PRKCA: variants seen among roughly 807,000 people sequenced by gnomAD.
PRKCA encodes the protein protein kinase C alpha type.
Under a neutral mutation model 87.0 loss-of-function variants are expected in PRKCA, and 27 were observed. The observed-to-expected ratio is 0.31, with a 90% CI of 0.23 to 0.43. The LOEUF (loss-of-function observed/expected upper bound fraction) is 0.43, where lower values mean the gene tolerates loss of function less well. PRKCA is among the 20% of genes least tolerant of loss of function. The pLI is 1.00. For missense variants in PRKCA, 518 were observed against 852.3 expected (o/e 0.61, Z 4.88); for synonymous variants, 329 against 311.1 (o/e 1.06, Z -0.61).
intron 3 of PRKCA, among the ~76,000 whole-genome samples, chr17:66,511,014 G>A (rs1917203984): frequency 6.6e-6 from 1 of 152,052 alleles, no homozygotes. Flanking sequence ...CCCAAATAAC[G>A]TATTTTAAAA....
chr17:66,400,391 A>AT (rs1206784820), intron 2 of PRKCA, among the ~76,000 whole-genome samples: 1 of 152,192 alleles, frequency 6.6e-6, no homozygotes, highest in Non-Finnish European at 1.5e-5. Flanking sequence ...ACCTCAAGTG[A>AT]TCCCCCCGCC....
chr17:66,306,248 A>G (rs1904808138), intron 2 of PRKCA, 121 bp downstream of exon 2: 2 of 1,072,632 alleles, frequency 1.9e-6, no homozygotes, highest in Non-Finnish European at 2.7e-6. Flanking sequence ...TAATTTTGAA[A>G]TATGAGGGCT....
At chr17:66,320,481 T>A (rs1213717015) in intron 2 of PRKCA, among the ~76,000 whole-genome samples, 1 of 152,138 alleles carries the variant, frequency 6.6e-6, no homozygotes, top group African/African-American at 2.4e-5. Context: ...TAGAGTCAAA[T>A]ATGCATCTAA....
chr17:66,450,222 G>C (rs766723645), intron 2 of PRKCA, among the ~76,000 whole-genome samples: 1 of 152,038 alleles, frequency 6.6e-6, no homozygotes, highest in East Asian at 1.9e-4. Context: ...GATGCTCATC[G>C]GGGGCCAGCA....
intron 3 of PRKCA, among the ~76,000 whole-genome samples, chr17:66,624,384 T>C (rs1970783227): frequency 1.3e-5 from 2 of 152,304 alleles, no homozygotes; most frequent in South Asian, 4.1e-4. Context: ...TGTAGTACTT[T>C]GGGGAAGGAG....
intron 2 of PRKCA, among the ~76,000 whole-genome samples, chr17:66,463,308 C>T (rs982344191): frequency 2.6e-5 from 4 of 151,684 alleles, no homozygotes; most frequent in Admixed American, 6.6e-5. Context: ...TTGAACTACA[C>T]GAGTTAACTG....
intron 3 of PRKCA, among the ~76,000 whole-genome samples, chr17:66,608,341 C>T (rs1452730380): frequency 6.6e-6 from 1 of 152,174 alleles, no homozygotes; most frequent in Admixed American, 6.5e-5. Flanking sequence ...GTTCTAAAAT[C>T]AGGAAAACTT....
intron 2 of PRKCA, among the ~76,000 whole-genome samples, chr17:66,421,428 GTTTT>G (rs55825622): frequency 2.6e-5 from 3 of 116,898 alleles, no homozygotes; most frequent in Non-Finnish European, 3.7e-5. Context: ...CACAGCCTCT[GTTTT>G]TTTTTTTTTT....
rs187367384 is a variant in PRKCA at position 66,720,162 on chromosome 17, G to A, written c.919-12526G>A. Among the ~76,000 whole-genome samples, 10 of 152,352 alleles carry A rather than the reference G, an allele frequency of 6.6e-5. No individual in the cohort carries two copies. In the East Asian group the frequency reaches 1.9e-3, roughly 29 times the overall value. ...TATGCACCACAGAAACCGGTGCAGG[G>A]ACAATGTCAGAAGGAGTAGGGAGCC... On this transcript the variant is annotated intron_variant, in intron 8 of 16. Transcript: ENST00000413366.
intron 3 of PRKCA, among the ~76,000 whole-genome samples, chr17:66,545,764 C>A (rs572418843): frequency 6.6e-5 from 10 of 152,242 alleles, no homozygotes; most frequent in Non-Finnish European, 1.0e-4. Flanking sequence ...AAATCATAGT[C>A]AGTGCAGAAT....
rs571827499 is a variant in PRKCA, at chr17:66,302,861, G to A, written c.10G>A (p.Val4Ile). Residue 4 changes from valine (V) to isoleucine (I), a missense_variant, in exon 1 of 17, where the codon GTT becomes ATT. Val to Ile is a conservative substitution (Grantham distance 29, BLOSUM62 3). Coordinates refer to ENST00000413366, the MANE Select transcript of PRKCA (RefSeq NM_002737.3). ...GTGGTTGGGGGGGACCATGGCTGAC[G>A]TTTTCCCGGGCAACGACTCCACGGC... is the stretch of plus-strand genomic sequence containing the variant. MADVFPGNDSTASQ... is the reference protein window; with the variant it reads MADIFPGNDSTASQ... 1.3e-6 allele frequency: 2 copies of A among 1,578,832 alleles called. No homozygotes were observed. The highest frequency in any genetic ancestry group is 2.5e-5 in the East Asian group (1 of 40,728).
At chr17:66,779,287 G>A (rs906878786) in intron 14 of PRKCA, among the ~76,000 whole-genome samples, 2 of 152,098 alleles carry the variant, frequency 1.3e-5, no homozygotes, top group Non-Finnish European at 2.9e-5. Flanking sequence ...AGCAGCCAAG[G>A]GGGCAGTTAA....
chr17:66,709,301 CTTTTTTTTT>C (rs552633887), intron 8 of PRKCA, among the ~76,000 whole-genome samples: 2 of 84,870 alleles, frequency 2.4e-5, no homozygotes, highest in Non-Finnish European at 2.3e-5. Context: ...GAGATGATTT[CTTTTTTTTT>C]TTTTTTTTTT....
rs8079314 is a variant in PRKCA, at chr17:66,418,662, C to G, written c.206-77539C>G. The stretch of plus-strand genomic sequence containing the variant: ...ATATTGGCCAGGGTGGCCTCGATCT[C>G]CTGACCTCAAGTGATCTTCCAGCCC... On this transcript the variant is annotated intron_variant, in intron 2 of 16. Coordinates refer to ENST00000413366, the MANE Select transcript of PRKCA (RefSeq NM_002737.3). Among the ~76,000 whole-genome samples, 1,277 of 152,196 alleles carry G rather than the reference C, an allele frequency of 8.4e-3. 18 individuals are homozygous for G. Among genetic ancestry groups the G allele is most frequent in the African/African-American group, 0.03 (1,230 of 41,526 alleles).
At chr17:66,769,444 G>C (rs965604456) in intron 13 of PRKCA, among the ~76,000 whole-genome samples, 12 of 151,934 alleles carry the variant, frequency 7.9e-5, no homozygotes, top group Non-Finnish European at 1.2e-4. Flanking sequence ...GGATTGAACT[G>C]TTAGAGAAGT....
intron 3 of PRKCA, among the ~76,000 whole-genome samples, chr17:66,608,038 T>C (rs1970257651): frequency 6.6e-6 from 1 of 152,168 alleles, no homozygotes; most frequent in South Asian, 2.1e-4. Flanking sequence ...GTGCTGATTA[T>C]TGCATCCAGA....
intron 3 of PRKCA, among the ~76,000 whole-genome samples, chr17:66,591,210 C>T (rs1437588831): frequency 2.0e-5 from 3 of 152,140 alleles, no homozygotes; most frequent in African/African-American, 2.4e-5. Context: ...TGGAATGTAG[C>T]GGCATGATCA....
intron 8 of PRKCA, among the ~76,000 whole-genome samples, chr17:66,690,492 A>G (rs961615427): frequency 4.6e-5 from 7 of 152,178 alleles, no homozygotes; most frequent in African/African-American, 1.7e-4. Flanking sequence ...AGGTTTTTAT[A>G]TGATACATTC....
At chr17:66,570,051 T>C (rs1224573718) in intron 3 of PRKCA, among the ~76,000 whole-genome samples, 1 of 152,230 alleles carries the variant, frequency 6.6e-6, no homozygotes, top group Non-Finnish European at 1.5e-5. Context: ...CATGGGGTAC[T>C]GTGCAGCCCT....
Sources: allele counts gnomAD v4.1 joint callset (sites outside exome capture counted in the v4.1 genomes callset), GRCh38; gene constraint gnomAD v4.1.1; transcripts MANE v1.5; gene names NCBI Gene and HGNC (gene_info 2026-07-23, HGNC 2026-07-21).